The following MKLN1 variants were observed in gnomAD, a reference collection of about 807,000 sequenced individuals.
MKLN1 encodes the protein muskelin.
Under a neutral mutation model 99.0 loss-of-function variants are expected in MKLN1, and 18 were observed. The ratio of observed to expected loss-of-function variants is 0.18; its 90% CI spans 0.13 to 0.27. The LOEUF (loss-of-function observed/expected upper bound fraction) is 0.27. Among genes scored for constraint, MKLN1 ranks in the 10% least tolerant of loss-of-function variants. MKLN1 has a pLI of 1.00. For missense variants in MKLN1, 621 were observed against 875.9 expected (o/e 0.71, Z 3.67); for synonymous variants, 288 against 293.2 (o/e 0.98, Z 0.18).
chr7:131,456,342 A>G (rs1342867529), intron 12 of MKLN1, among the ~76,000 whole-genome samples: 1 of 152,238 alleles, frequency 6.6e-6, no homozygotes, highest in Admixed American at 6.5e-5. Flanking sequence ...CTGCCAAAGT[A>G]GCAAACTGAC....
In MKLN1 at chr7:131,178,031, C is replaced by G. The variant is rs546499123; in HGVS notation, c.-296-24826C>G. On this transcript the variant is annotated intron_variant, in intron 2 of 7. Coordinates refer to the MKLN1 transcript ENST00000416992. ...CTAGCCATCACATACATATTCCAGA[C>G]AGGAAGGAGGAAAAAGAGTAAAAAT... 5.9e-5 allele frequency among the ~76,000 whole-genome samples: 9 copies of G among 152,258 alleles called. No homozygotes were observed. In the South Asian group the frequency reaches 1.9e-3, roughly 32 times the overall value.
intron 1 of MKLN1, chr7:131,328,213 C>T (rs1022457502): frequency 3.4e-6 from 2 of 582,858 alleles, no homozygotes; most frequent in Non-Finnish European, 5.9e-6. Context: ...GGAGAAGGGG[C>T]GAGGTGTGTG....
intron 3 of MKLN1, among the ~76,000 whole-genome samples, chr7:131,298,850 C>T (rs1162524845): frequency 2.6e-5 from 4 of 152,048 alleles, no homozygotes; most frequent in African/African-American, 4.8e-5. Context: ...CATTTAGAAA[C>T]GAGGGTCAAC....
At chr7:131,274,775 G>C (rs541137226) in intron 3 of MKLN1, among the ~76,000 whole-genome samples, 1 of 151,928 alleles carries the variant, frequency 6.6e-6, no homozygotes, top group Admixed American at 6.6e-5. Flanking sequence ...CACTCACTAC[G>C]AGAACTTAGG....
At chr7:131,308,673 T>C (rs955434284) in intron 3 of MKLN1, among the ~76,000 whole-genome samples, 4 of 151,192 alleles carry the variant, frequency 2.6e-5, no homozygotes, top group East Asian at 2.0e-4. Flanking sequence ...GCAACGTCCA[T>C]CTCCCAGGTT....
intron 3 of MKLN1, among the ~76,000 whole-genome samples, chr7:131,316,228 C>T (rs1798666221): frequency 1.3e-5 from 2 of 152,248 alleles, no homozygotes; most frequent in African/African-American, 2.4e-5. Context: ...GGCTGGTGCC[C>T]CTCTGGGACA....
At chr7:131,135,433 C>G (rs1449773428) in intron 1 of MKLN1, among the ~76,000 whole-genome samples, 1 of 152,146 alleles carries the variant, frequency 6.6e-6, no homozygotes, top group Non-Finnish European at 1.5e-5. Context: ...CTTCCACTTC[C>G]GCGTCAGGAG....
At position 131,492,459 on chromosome 7, in the gene MKLN1, T is replaced by C. The variant is rs1053903639; in HGVS notation, c.*4731T>C. ...CAAGAATGTGAATTTAGGCTGGGCATAGTGACTCACGCCTGTAATCCCAGA... is the reference window on the plus strand; with the variant it reads ...CAAGAATGTGAATTTAGGCTGGGCACAGTGACTCACGCCTGTAATCCCAGA... On this transcript the variant is annotated 3_prime_UTR_variant, in exon 18 of 18. Coordinates refer to ENST00000352689, the MANE Select transcript of MKLN1 (RefSeq NM_013255.5). 2 of 152,096 alleles carry C rather than the reference T, an allele frequency of 1.3e-5. No homozygotes were observed. Among genetic ancestry groups the C allele is most frequent in the Non-Finnish European group, 2.9e-5 (2 of 68,000 alleles). The allele number at this position is 152,096 out of a possible 1,614,324, so 9.4% of individuals were successfully genotyped here. A position where few individuals can be genotyped will look rare whatever the true frequency, so the allele number is the denominator to read the frequency against.
At chr7:131,461,320 A>G (rs1279709553) in intron 12 of MKLN1, among the ~76,000 whole-genome samples, 1 of 151,554 alleles carries the variant, frequency 6.6e-6, no homozygotes, top group African/African-American at 2.4e-5. Flanking sequence ...ACCCAGGGAT[A>G]TGGAGGTTCG....
At chr7:131,298,957 C>T (rs1405252479) in intron 3 of MKLN1, among the ~76,000 whole-genome samples, 8 of 152,152 alleles carry the variant, frequency 5.3e-5, no homozygotes, top group African/African-American at 1.4e-4. Context: ...GTAGGAGGAG[C>T]GCTTCATGCC....
intron 2 of MKLN1, among the ~76,000 whole-genome samples, chr7:131,381,821 G>A (rs961563143): frequency 2.0e-5 from 3 of 152,056 alleles, no homozygotes; most frequent in Admixed American, 2.0e-4. Context: ...AATCAGGTTT[G>A]TGCCCATTCA....
chr7:131,471,935 A>G lies in MKLN1; in HGVS notation c.2031+991A>G, dbSNP rs566646866. The G allele has an allele frequency of 1.2e-3, 187 of 152,348 alleles. 1 individual carries two copies. Among genetic ancestry groups the G allele is most frequent in the African/African-American group, 4.4e-3 (185 of 41,582 alleles). The allele number at this position is 152,348 out of a possible 1,614,324, so 9.4% of individuals were successfully genotyped here. ...AGATACTCTTTCATAGTTTCGTACTATAAAATTAAGTCCTAAGTCTCTCAA... is the reference window on the plus strand; with the variant it reads ...AGATACTCTTTCATAGTTTCGTACTGTAAAATTAAGTCCTAAGTCTCTCAA... On this transcript the variant is annotated intron_variant, in intron 16 of 17. Coordinates refer to ENST00000352689, the MANE Select transcript of MKLN1 (RefSeq NM_013255.5).
intron 1 of MKLN1, among the ~76,000 whole-genome samples, chr7:131,329,260 T>G (rs979866821): frequency 6.6e-6 from 1 of 152,190 alleles, no homozygotes; most frequent in Non-Finnish European, 1.5e-5. Context: ...CAGCCTCCCA[T>G]TTTATTCACC....
At chr7:131,307,758 T>C (rs1798489843) in intron 3 of MKLN1, among the ~76,000 whole-genome samples, 1 of 152,238 alleles carries the variant, frequency 6.6e-6, no homozygotes, top group Non-Finnish European at 1.5e-5. Context: ...AACTTGTTTT[T>C]TTATTTTACA....
At chr7:131,466,690 T>C (rs1283629943) in intron 15 of MKLN1, among the ~76,000 whole-genome samples, 2 of 152,180 alleles carry the variant, frequency 1.3e-5, no homozygotes, top group African/African-American at 4.8e-5. Context: ...TTGAAGTAAC[T>C]AAAAGCTAAC....
intron 6 of MKLN1, among the ~76,000 whole-genome samples, chr7:131,407,132 C>G (rs1794731440): frequency 6.6e-6 from 1 of 151,954 alleles, no homozygotes; most frequent in Admixed American, 6.6e-5. Flanking sequence ...TTTAGTGTCT[C>G]TTTCTTACAC....
chr7:131,121,638 C>CAAAAAAAAAAAAAAAAAAAA (rs55908773), intron 1 of MKLN1, among the ~76,000 whole-genome samples: 11 of 72,804 alleles, frequency 1.5e-4, no homozygotes, highest in African/African-American at 4.2e-4. Context: ...GACTCCGTCT[C>CAAAAAAAAAAAAAAAAAAAA]AAAAAAAAAA....
chr7:131,270,063 A>G (rs1797862133), intron 3 of MKLN1, among the ~76,000 whole-genome samples: 5 of 151,538 alleles, frequency 3.3e-5, no homozygotes, highest in Admixed American at 3.3e-4. Flanking sequence ...AGCTGGGACT[A>G]CAGGCATTGC....
chr7:131,406,631 T>C (rs539434890), intron 6 of MKLN1, among the ~76,000 whole-genome samples: 50 of 152,162 alleles, frequency 3.3e-4, no homozygotes, highest in Middle Eastern at 3.4e-3. Flanking sequence ...ATTGTGTTCA[T>C]TCCCTGTGCC....
Sources: allele counts gnomAD v4.1 joint callset (sites outside exome capture counted in the v4.1 genomes callset), GRCh38; gene constraint gnomAD v4.1.1; transcripts MANE v1.5; gene names NCBI Gene and HGNC (gene_info 2026-07-23, HGNC 2026-07-21).